The following ITSN1 variants were observed in gnomAD, a reference collection of about 807,000 sequenced individuals.
ITSN1 encodes the protein intersectin 1, also known as intersectin-1.
In ITSN1, 58 loss-of-function variants were observed where a neutral mutation model predicts 239.8. That is an observed-to-expected ratio of 0.24 (90% confidence interval 0.20 to 0.30). The LOEUF (loss-of-function observed/expected upper bound fraction) is 0.30, where lower values mean the gene tolerates loss of function less well. Among genes scored for constraint, ITSN1 ranks in the 10% least tolerant of loss-of-function variants. The pLI is 1.00. For synonymous variants in ITSN1, 780 were observed against 770.8 expected, an observed-to-expected ratio of 1.01 and a Z score of -0.20; for missense variants, 1,558 against 2,103.3, an observed-to-expected ratio of 0.74 and a Z score of 5.07.
chr21:33,650,298 G>A (rs903579102), intron 1 of ITSN1, among the ~76,000 whole-genome samples: 2 of 152,116 alleles, frequency 1.3e-5, no homozygotes, highest in Non-Finnish European at 2.9e-5. Flanking sequence ...TTAGTGTCAG[G>A]CTTTAACCAA....
chr21:33,857,273 G>A (rs1026591735), intron 30 of ITSN1, among the ~76,000 whole-genome samples: 2 of 152,164 alleles, frequency 1.3e-5, no homozygotes, highest in African/African-American at 2.4e-5. Flanking sequence ...CTGCTGTCTC[G>A]AGTCATTCCT....
At chr21:33,878,513 G>C (rs142061367) in intron 34 of ITSN1, among the ~76,000 whole-genome samples, 2 of 152,146 alleles carry the variant, frequency 1.3e-5, no homozygotes, top group African/African-American at 4.8e-5. Flanking sequence ...TTCCCAAAAT[G>C]ACCAGCGAGA....
intron 1 of ITSN1, among the ~76,000 whole-genome samples, chr21:33,686,598 A>C (rs1285580608): frequency 6.6e-6 from 1 of 152,170 alleles, no homozygotes; most frequent in Admixed American, 6.5e-5. Flanking sequence ...CATGTTTCAC[A>C]GTCTGTGTGA....
At chr21:33,867,099 C>T in intron 32 of ITSN1, 134 bp from the exon 33 acceptor site, 1 of 630,118 alleles carries the variant, frequency 1.6e-6, no homozygotes, top group Non-Finnish European at 2.8e-6. Flanking sequence ...CAGGCCCTTC[C>T]AACCCCAGGT....
At chr21:33,790,045 A>T (rs2070983967) in intron 16 of ITSN1, among the ~76,000 whole-genome samples, 1 of 152,126 alleles carries the variant, frequency 6.6e-6, no homozygotes, top group South Asian at 2.1e-4. Context: ...CAGAATCTTG[A>T]TATGCCAGTA....
chr21:33,829,830 T>C (rs2074188318), intron 27 of ITSN1, 85 bp downstream of exon 27: 1 of 1,497,960 alleles, frequency 6.7e-7, no homozygotes, highest in African/African-American at 1.4e-5. Flanking sequence ...TATTGTAAAG[T>C]ACAAACCACC....
At position 33,821,303 on chromosome 21, in the gene ITSN1, A is replaced by G. The variant is rs558597474; in HGVS notation, c.3016+1980A>G. 2.4e-4 allele frequency among the ~76,000 whole-genome samples: 37 copies of G among 152,340 alleles called. No homozygotes were observed. In the South Asian group the frequency reaches 7.0e-3, roughly 29 times the overall value. On this transcript the variant is annotated intron_variant, in intron 24 of 39. Transcript: ENST00000381318. ...TTGTATTTATTACAGCCAATTTTGA[A>G]ATGACTTAGTTATTAGAAATATTTG...
intron 1 of ITSN1, among the ~76,000 whole-genome samples, chr21:33,711,660 GT>G (rs1284309172): frequency 7.7e-6 from 1 of 129,216 alleles, no homozygotes; most frequent in Non-Finnish European, 1.6e-5. Flanking sequence ...TGTTGTGTGT[GT>G]GTGTGTGTGT....
chr21:33,735,430 G>A (rs931938655), intron 5 of ITSN1: 2 of 549,856 alleles, frequency 3.6e-6, no homozygotes, highest in Middle Eastern at 5.0e-4. Flanking sequence ...GATGCAGGCC[G>A]CCAGTCAGGG....
At chr21:33,655,164 T>C (rs2088933527) in intron 1 of ITSN1, among the ~76,000 whole-genome samples, 1 of 152,212 alleles carries the variant, frequency 6.6e-6, no homozygotes, top group African/African-American at 2.4e-5. Context: ...GAAAGGCCAT[T>C]TTACAAATGC....
intron 20 of ITSN1, among the ~76,000 whole-genome samples, chr21:33,805,848 A>AT (rs1157175241): frequency 4.2e-4 from 63 of 148,734 alleles, no homozygotes; most frequent in Non-Finnish European, 8.2e-4. Context: ...ATTTTTTTGT[A>AT]TTTTTAGTAG....
chr21:33,880,072 G>A (rs1190635193), intron 34 of ITSN1, among the ~76,000 whole-genome samples: 2 of 152,184 alleles, frequency 1.3e-5, no homozygotes, highest in Non-Finnish European at 2.9e-5. Flanking sequence ...ATCATGCACA[G>A]CGTCGTTGTT....
Position 33,890,117 on chromosome 21 carries a change from A to G in ITSN1, c.*1817A>G, listed in dbSNP as rs1230460592. 4 of 152,226 alleles carry G rather than the reference A, an allele frequency of 2.6e-5. No individual in the cohort carries two copies. The highest frequency in any genetic ancestry group is 9.6e-5 in the African/African-American group (4 of 41,466). The allele number at this position is 152,226 out of a possible 1,614,324, so 9.4% of individuals were successfully genotyped here. On this transcript the variant is annotated 3_prime_UTR_variant, in exon 40 of 40. Coordinates refer to ENST00000381318, the MANE Select transcript of ITSN1 (RefSeq NM_003024.3). ...CAGAAAACATGGTTAAAATACTTTA[A>G]GTTTATATTTTTTGATGTTGTTAAG...
intron 1 of ITSN1, among the ~76,000 whole-genome samples, chr21:33,675,001 A>G (rs949118382): frequency 6.6e-6 from 1 of 152,212 alleles, no homozygotes; most frequent in African/African-American, 2.4e-5. Context: ...CTTTCCAGAA[A>G]CAATACTGAT....
chr21:33,690,270 T>G (rs2091447855), intron 1 of ITSN1, among the ~76,000 whole-genome samples: 1 of 150,260 alleles, frequency 6.7e-6, no homozygotes, highest in Non-Finnish European at 1.5e-5. Context: ...AGAGCAAGAC[T>G]CTGTCTCAAA....
intron 1 of ITSN1, among the ~76,000 whole-genome samples, chr21:33,690,781 AT>A (rs2091481982): frequency 6.8e-5 from 1 of 14,780 alleles, no homozygotes; most frequent in African/African-American, 5.9e-4. Flanking sequence ...AAGTGTATAT[AT>A]ATATATACAT....
At chr21:33,809,048 C>T (rs1456196539) in intron 20 of ITSN1, among the ~76,000 whole-genome samples, 1 of 152,124 alleles carries the variant, frequency 6.6e-6, no homozygotes, top group Admixed American at 6.5e-5. Context: ...AGACATCTAG[C>T]CATTTGAGTT....
chr21:33,722,493 C>A, intron 3 of ITSN1, 95 bp from the exon 4 acceptor site: 2 of 1,424,080 alleles, frequency 1.4e-6, no homozygotes, highest in Non-Finnish European at 1.9e-6. Flanking sequence ...GTATTACCAG[C>A]CTCTTTGTAA....
At chr21:33,735,577 A>G (rs2147263820) in intron 5 of ITSN1, 1 of 246,310 alleles carries the variant, frequency 4.1e-6, no homozygotes, top group South Asian at 5.2e-5. Context: ...TTGTGCATAA[A>G]CAATTCCTTT....
Sources: gnomAD v4.1 joint callset for allele counts (sites outside exome capture counted in the v4.1 genomes callset) on GRCh38, gnomAD v4.1.1 for gene constraint, MANE v1.5 for transcripts, NCBI Gene and HGNC (gene_info 2026-07-23, HGNC 2026-07-21) for gene names.